INSC: variants seen among roughly 807,000 people sequenced by gnomAD.
The protein encoded by INSC is INSC spindle orientation adaptor protein, also known as protein inscuteable homolog.
A neutral mutation model predicts 58.6 loss-of-function variants in INSC; 67 were observed. That is an observed-to-expected ratio of 1.14 (90% CI 0.94 to 1.40). The LOEUF is 1.40. Among genes scored for constraint, INSC ranks in the 40% most tolerant of loss-of-function variants. INSC has a pLI of 0.00. For synonymous variants in INSC, 262 were observed against 276.1 expected, an observed-to-expected ratio of 0.95 and a Z score of 0.51; for missense variants, 714 against 692.0, an observed-to-expected ratio of 1.03 and a Z score of -0.36.
chr11:15,175,993 G>A lies in INSC; in HGVS notation c.309G>A (p.Val103=). ...QKLAQDRWAR[V]HSMSVRLTCH... ...TGGCCCAGGACCGCTGGGCACGGGT[G>A]CACAGCATGAGCGTGCGTCTGACCT... The change falls in exon 3 of 13, where the codon GTG becomes GTA. Residue 103 remains valine, a synonymous_variant. Transcript: ENST00000379556. 6.2e-7 allele frequency: 1 copy of A among 1,609,584 alleles called. No homozygotes were observed. The highest frequency in any genetic ancestry group is 8.5e-7 in the Non-Finnish European group (1 of 1,177,828).
In INSC at chr11:15,247,141, CAATAT is replaced by C. The variant is rs1051097214; in HGVS notation, c.*1110_*1114del. On this transcript the variant is annotated 3_prime_UTR_variant, in exon 13 of 13. Transcript: ENST00000379556. The stretch of plus-strand genomic sequence containing the variant: ...CCATCATATTGTGATATAATTTATA[CAATAT>C]AATATAATTGTGTAAAATCATGATT... 36 of 151,160 alleles carry C rather than the reference CAATAT, an allele frequency of 2.4e-4. No individual in the cohort carries two copies. The highest frequency in any genetic ancestry group is 7.5e-4 in the African/African-American group (31 of 41,092). 9.4% of individuals were successfully genotyped at this position (151,160 alleles called of 1,614,324 possible).
In INSC at chr11:15,178,428, C is replaced by T; in HGVS notation, c.560C>T (p.Ala187Val). 6.2e-7 allele frequency: 1 copy of T among 1,611,528 alleles called. No homozygotes were observed. Among genetic ancestry groups the T allele is most frequent in the South Asian group, 1.1e-5 (1 of 91,068 alleles). Reference sequence around the variant, plus strand: ...CACTTTGGTCAGCTGCTGGAGCTGGCCCTGACACGGGAGGTTCAGGTCAGT... The same window carrying T: ...CACTTTGGTCAGCTGCTGGAGCTGGTCCTGACACGGGAGGTTCAGGTCAGT... The part of the protein sequence containing the change: ...GQHFGQLLEL[A>V]LTREVQALVR... The change falls in exon 5 of 13, where the codon GCC (alanine) becomes GTC (valine). Residue 187 changes from alanine (A) to valine (V), a missense_variant. Ala to Val is a moderately conservative substitution (Grantham distance 64, BLOSUM62 0). Coordinates refer to ENST00000379556, the MANE Select transcript of INSC (RefSeq NM_001042536.3).
intron 12 of INSC, chr11:15,241,711 C>G (rs1852363353): frequency 1.5e-6 from 1 of 652,678 alleles, no homozygotes; most frequent in African/African-American, 1.8e-5. Flanking sequence ...TCAGAATAAT[C>G]CTTTAAATGC....
chr11:15,211,152 G>A (rs1945630), intron 7 of INSC, among the ~76,000 whole-genome samples: 42,430 of 152,084 alleles, frequency 0.28, 6,703 homozygotes, highest in East Asian at 0.73. Flanking sequence ...GGAGTGTTTC[G>A]TTCTCTCTTT....
chr11:15,225,742 A>G lies in INSC; in HGVS notation c.1084A>G (p.Met362Val). The G allele has an allele frequency of 6.2e-7, 1 of 1,614,052 alleles. No homozygotes were observed. The highest frequency in any genetic ancestry group is 1.1e-5 in the South Asian group (1 of 91,040). The change falls in exon 9 of 13, where the codon ATG becomes GTG. Residue 362 changes from methionine (M) to valine (V), a missense_variant. Coordinates refer to ENST00000379556, the MANE Select transcript of INSC (RefSeq NM_001042536.3). ...GTTCTTTGACACAATGGCCTGCGAG[A>G]TGCTCCTGCAGTTGAATGCCATCCG... ...ITFFDTMACE[M>V]LLQLNAIRVL...
upstream of INSC, chr11:15,112,477 G>A (rs200115207): frequency 1.1e-4 from 174 of 1,607,816 alleles, no homozygotes; most frequent in Middle Eastern, 1.7e-4. Context: ...GCCATGAGAC[G>A]GCCCCCTGGC....
chr11:15,144,002 C>T (rs1315054641), intron 1 of INSC, among the ~76,000 whole-genome samples: 1 of 152,190 alleles, frequency 6.6e-6, no homozygotes, highest in Non-Finnish European at 1.5e-5. Flanking sequence ...TCTCAAGCTC[C>T]TAGTCCTGTG....
chr11:15,238,112 G>A (rs1021369669), intron 10 of INSC, among the ~76,000 whole-genome samples: 3 of 152,044 alleles, frequency 2.0e-5, no homozygotes, highest in South Asian at 2.1e-4. Context: ...TTTAGATGGA[G>A]CGTCAAGAGG....
chr11:15,133,437 TC>T (rs1848169553), intron 1 of INSC, among the ~76,000 whole-genome samples: 1 of 152,220 alleles, frequency 6.6e-6, no homozygotes. Context: ...TCTAATCAAG[TC>T]CCCTGTCCCC....
intron 9 of INSC, among the ~76,000 whole-genome samples, chr11:15,228,634 C>G (rs774748120): frequency 1.3e-5 from 2 of 152,268 alleles, no homozygotes; most frequent in African/African-American, 4.8e-5. Context: ...CTCACTGCCC[C>G]CTAAAATACT....
At chr11:15,184,487 C>T in intron 5 of INSC, 1 of 160,514 alleles carries the variant, frequency 6.2e-6, no homozygotes, top group South Asian at 1.4e-4. Flanking sequence ...CCTCCGCCTC[C>T]TGGGTTCAAG....
intron 5 of INSC, among the ~76,000 whole-genome samples, chr11:15,183,267 G>T (rs1041673339): frequency 5.4e-5 from 8 of 149,034 alleles, no homozygotes; most frequent in African/African-American, 2.0e-4. Context: ...AGGAGAATTG[G>T]TTGAACTCAG....
At chr11:15,206,801 G>A (rs1850818837) in intron 7 of INSC, among the ~76,000 whole-genome samples, 1 of 152,224 alleles carries the variant, frequency 6.6e-6, no homozygotes, top group Admixed American at 6.5e-5. Flanking sequence ...CTATGGTGAT[G>A]CAATGAAGCA....
At chr11:15,215,940 G>T (rs1000707402) in intron 7 of INSC, among the ~76,000 whole-genome samples, 1 of 152,114 alleles carries the variant, frequency 6.6e-6, no homozygotes, top group Non-Finnish European at 1.5e-5. Context: ...AGTGAATTGG[G>T]GTTGAGGTGC....
intron 1 of INSC, among the ~76,000 whole-genome samples, chr11:15,137,239 CAG>C (rs1270422033): frequency 6.6e-6 from 1 of 152,146 alleles, no homozygotes; most frequent in Non-Finnish European, 1.5e-5. Flanking sequence ...GTTACATTTA[CAG>C]AGAATAGGCA....
Position 15,200,891 on chromosome 11 carries a change from C to T in INSC, c.761C>T (p.Ala254Val), listed in dbSNP as rs754179382. The change falls in exon 7 of 13, where the codon GCG (alanine) becomes GTG (valine). Residue 254 changes from alanine (A) to valine (V), a missense_variant. Ala to Val is a moderately conservative substitution (Grantham distance 64). Transcript: ENST00000379556. ...QDSFRCLYPQ[A>V]LRTLASICCV... ...AGTTTCCGGTGCTTGTACCCCCAGG[C>T]GCTCCGCACGCTGGCCTCCATCTGC... 4.2e-5 allele frequency: 68 copies of T among 1,613,602 alleles called. No homozygotes were observed. Among genetic ancestry groups the T allele is most frequent in the Admixed American group, 1.7e-4 (10 of 59,984 alleles).
intron 5 of INSC, among the ~76,000 whole-genome samples, chr11:15,185,309 A>G (rs1849923515): frequency 6.6e-6 from 1 of 152,184 alleles, no homozygotes; most frequent in Non-Finnish European, 1.5e-5. Flanking sequence ...GATTTTTCAG[A>G]GTTTACATCT....
In INSC at chr11:15,166,298, C is replaced by T. The variant is rs142789574; in HGVS notation, c.57-9443C>T. Among the ~76,000 whole-genome samples the T allele has an allele frequency of 5.3e-5, 8 of 152,296 alleles. No individual in the cohort carries two copies. In the East Asian group the frequency reaches 1.5e-3, roughly 29 times the overall value. The stretch of plus-strand genomic sequence containing the variant: ...ATGGTTTCTAAGGGTCTAAGCTCTA[C>T]CCAACCAGAGCATTGCTTAGTGGAA... On this transcript the variant is annotated intron_variant, in intron 2 of 12. Transcript: ENST00000379556.
At chr11:15,264,979 C>T in the INSC span, among the ~76,000 whole-genome samples, 6 of 151,960 alleles carry the variant, frequency 3.9e-5, no homozygotes, top group African/African-American at 1.5e-4. Flanking sequence ...GAGAATTTGT[C>T]ACAAAACAAC....
Sources: gnomAD v4.1 joint callset for allele counts (sites outside exome capture counted in the v4.1 genomes callset) on GRCh38, gnomAD v4.1.1 for gene constraint, MANE v1.5 for transcripts, NCBI Gene and HGNC (gene_info 2026-07-23, HGNC 2026-07-21) for gene names.